The following CACNA1E variants were observed in gnomAD, a reference collection of about 807,000 sequenced individuals.
CACNA1E encodes the protein calcium voltage-gated channel subunit alpha1 E, also known as voltage-dependent R-type calcium channel subunit alpha-1E.
A neutral mutation model predicts 259.2 loss-of-function variants in CACNA1E; 40 were observed. The observed-to-expected ratio is 0.15, with a 90% CI of 0.12 to 0.20. CACNA1E has a LOEUF of 0.20. Ranked by LOEUF, CACNA1E falls within the 10% of genes least tolerant of loss-of-function variation. The pLI is 1.00. For missense variants in CACNA1E, 1,874 were observed against 3,040.1 expected, an observed-to-expected ratio of 0.62 and a Z score of 9.02; for synonymous variants, 1,104 against 1,138.5, an observed-to-expected ratio of 0.97 and a Z score of 0.61.
chr1:181,761,375 T>C (rs564215751), intron 32 of CACNA1E, among the ~76,000 whole-genome samples: 4 of 152,330 alleles, frequency 2.6e-5, no homozygotes, highest in Non-Finnish European at 5.9e-5. Flanking sequence ...TTTCAATCCC[T>C]GCCTCTAGGA....
At chr1:181,595,996 G>A (rs1337109723) in intron 6 of CACNA1E, among the ~76,000 whole-genome samples, 3 of 152,126 alleles carry the variant, frequency 2.0e-5, no homozygotes, top group Non-Finnish European at 2.9e-5. Context: ...TTTGTCTTAC[G>A]ACTTCCATTT....
intron 13 of CACNA1E, 82 bp from the exon 14 acceptor site, chr1:181,720,124 C>A: frequency 6.7e-7 from 1 of 1,495,916 alleles, no homozygotes; most frequent in Non-Finnish European, 9.2e-7. Context: ...ATTTCATAGA[C>A]TACCAGGCAT....
intron 1 of CACNA1E, among the ~76,000 whole-genome samples, chr1:181,343,937 A>G (rs1319985345): frequency 6.6e-6 from 1 of 152,176 alleles, no homozygotes; most frequent in Non-Finnish European, 1.5e-5. Context: ...TAAAAGGACA[A>G]CAGGCCCTTC....
At chr1:181,341,665 A>G (rs78801352) in intron 1 of CACNA1E, among the ~76,000 whole-genome samples, 165 of 152,286 alleles carry the variant, frequency 1.1e-3, no homozygotes, top group African/African-American at 3.8e-3. Context: ...CACAGGGCAC[A>G]GAGTTTCAAT....
rs1185900104 is a variant in CACNA1E at position 181,801,753 on chromosome 1, T to G, written c.*2919T>G. 6.6e-6 allele frequency: 1 copy of G among 152,210 alleles called. No homozygotes were observed. Among genetic ancestry groups the G allele is most frequent in the Non-Finnish European group, 1.5e-5 (1 of 68,042 alleles). 9.4% of individuals were successfully genotyped at this position (152,210 alleles called of 1,614,324 possible). ...TGAGAAATTCCATGCAAAAGAAGAC[T>G]ACAACCAGTGTTTCAGATATACCAC... On this transcript the variant is annotated 3_prime_UTR_variant, in exon 48 of 48. Coordinates refer to ENST00000367573, the MANE Select transcript of CACNA1E (RefSeq NM_001205293.3).
chr1:181,428,769 C>T (rs535101941), intron 2 of CACNA1E, among the ~76,000 whole-genome samples: 2 of 152,250 alleles, frequency 1.3e-5, no homozygotes, highest in South Asian at 2.1e-4. Flanking sequence ...AGACTGATTG[C>T]GTATCAATAT....
chr1:181,768,329 G>A (rs2102748897), intron 35 of CACNA1E, among the ~76,000 whole-genome samples: 1 of 152,298 alleles, frequency 6.6e-6, no homozygotes, highest in East Asian at 1.9e-4. Flanking sequence ...AAGGGAGGGA[G>A]TGAAAGGAAG....
chr1:181,520,816 T>A (rs1666946497), intron 3 of CACNA1E, among the ~76,000 whole-genome samples: 1 of 152,174 alleles, frequency 6.6e-6, no homozygotes, highest in Non-Finnish European at 1.5e-5. Context: ...AGGAAAATGT[T>A]ACATTTTCTA....
chr1:181,492,785 TG>T (rs1272720005), intron 1 of CACNA1E, among the ~76,000 whole-genome samples: 26 of 152,340 alleles, frequency 1.7e-4, no homozygotes, highest in African/African-American at 5.8e-4. Flanking sequence ...TTTTATGCCT[TG>T]GGCTTATTTT....
In CACNA1E at chr1:181,776,212, T is replaced by C; in HGVS notation, c.5251T>C (p.Tyr1751His). ...CGAGTTTGTCCGCGTCTGGGCAGAA[T>C]ATGACCGAGCAGCATGGTGCGTAGG... ...LDEFVRVWAEYDRAACGRIHY... is the reference protein window; with the variant it reads ...LDEFVRVWAEHDRAACGRIHY... Residue 1751 changes from tyrosine to histidine, a missense_variant, in exon 38 of 48, where the codon TAT becomes CAT. This residue lies in a region of CACNA1E where 147 missense variants were observed against 337.1 expected (regional missense o/e 0.44). Transcript: ENST00000367573. This position sits in a 1 kb window ranked among gnomAD's most constrained non-coding sequence, Gnocchi z 4.4. 1 of 1,613,994 alleles carries C rather than the reference T, an allele frequency of 6.2e-7. No individual in the cohort carries two copies. Among genetic ancestry groups the C allele is most frequent in the Non-Finnish European group, 8.5e-7 (1 of 1,179,878 alleles).
At chr1:181,584,825 T>C (rs187496032) in intron 6 of CACNA1E, among the ~76,000 whole-genome samples, 1 of 152,276 alleles carries the variant, frequency 6.6e-6, no homozygotes, top group Non-Finnish European at 1.5e-5. Context: ...ATTTGACAAA[T>C]AGGTGGCAGG....
chr1:181,642,591 C>T (rs770304220), intron 6 of CACNA1E, among the ~76,000 whole-genome samples: 9 of 152,226 alleles, frequency 5.9e-5, no homozygotes, highest in African/African-American at 2.2e-4. Context: ...GTGCTTGCCA[C>T]TCTTTAAAGA....
exon 2 of CACNA1E, chr1:181,413,193 A>G (rs1657993462): frequency 6.5e-6 from 1 of 152,718 alleles, no homozygotes; most frequent in Non-Finnish European, 1.5e-5. Flanking sequence ...AGGCTGCCCG[A>G]GCCCGCCCCC....
intron 1 of CACNA1E, among the ~76,000 whole-genome samples, chr1:181,508,883 G>C (rs148323133): frequency 8.5e-5 from 13 of 152,258 alleles, no homozygotes; most frequent in African/African-American, 3.1e-4. Flanking sequence ...AGTGGGGTGT[G>C]GAGGCAATGG....
intron 1 of CACNA1E, among the ~76,000 whole-genome samples, chr1:181,405,726 GT>G (rs1220697067): frequency 6.6e-6 from 1 of 152,156 alleles, no homozygotes; most frequent in Non-Finnish European, 1.5e-5. Context: ...CTCTCCAGTG[GT>G]TAAGCAGGGC....
intron 42 of CACNA1E, 26 bp from the exon 43 acceptor site, chr1:181,785,687 C>G: frequency 1.4e-5 from 21 of 1,458,546 alleles, no homozygotes; most frequent in Non-Finnish European, 1.8e-5. Context: ...GGAATTCTTT[C>G]CTTCTTCTTC....
At chr1:181,367,251 G>A (rs1334936643) in intron 1 of CACNA1E, among the ~76,000 whole-genome samples, 2 of 152,148 alleles carry the variant, frequency 1.3e-5, no homozygotes, top group Admixed American at 1.3e-4. Flanking sequence ...TTGGCCTGGT[G>A]CCTCACCCAA....
chr1:181,562,645 G>A (rs1193097467), intron 3 of CACNA1E, among the ~76,000 whole-genome samples: 1 of 152,206 alleles, frequency 6.6e-6, no homozygotes, highest in African/African-American at 2.4e-5. Flanking sequence ...AAAAATAAGA[G>A]TTGAAGAGAA....
chr1:181,388,626 C>T (rs181486645), intron 1 of CACNA1E, among the ~76,000 whole-genome samples: 148 of 152,248 alleles, frequency 9.7e-4, no homozygotes, highest in African/African-American at 3.1e-3. Flanking sequence ...CGGTGACTCA[C>T]GCTTGTAATC....
Sources: gnomAD v4.1 joint callset for allele counts (sites outside exome capture counted in the v4.1 genomes callset) on GRCh38, gnomAD v4.1.1 for gene constraint, gnomAD v4.1.1 regional missense constraint, Gnocchi (gnomAD v3.1) non-coding constraint, MANE v1.5 for transcripts, NCBI Gene and HGNC (gene_info 2026-07-23, HGNC 2026-07-21) for gene names.